Variants in PHACTR2 observed in about 807,000 individuals in gnomAD.
The protein encoded by PHACTR2 is phosphatase and actin regulator 2.
PHACTR2 carries 30 observed loss-of-function variants against 76.0 expected under a neutral mutation model. The ratio of observed to expected loss-of-function variants is 0.39; its 90% CI spans 0.30 to 0.54. PHACTR2 has a LOEUF of 0.54. Ranked by LOEUF, PHACTR2 falls within the 20% of genes least tolerant of loss-of-function variation. The probability of loss-of-function intolerance (pLI) is 0.61; values close to 1 mark genes in which losing one functional copy is unlikely to be tolerated. For synonymous variants in PHACTR2, 292 were observed against 292.5 expected (o/e 1.00, Z 0.02); for missense variants, 696 against 781.1 (o/e 0.89, Z 1.30).
In PHACTR2 at chr6:143,641,443, T is replaced by G. The variant is rs754573492; in HGVS notation, c.13+33121T>G. Reference sequence around the variant, plus strand: ...GAGCACTGCCCTGCCAATTCCTGACTTCTTACCTTCAGATCTGTGAAATAA... The same window carrying G: ...GAGCACTGCCCTGCCAATTCCTGACGTCTTACCTTCAGATCTGTGAAATAA... On this transcript the variant is annotated intron_variant, in intron 1 of 11. Transcript: ENST00000305766. This position sits in a 1 kb window ranked among gnomAD's most constrained non-coding sequence, Gnocchi z 5.8. Among the ~76,000 whole-genome samples, 7 of 152,226 alleles carry G rather than the reference T, an allele frequency of 4.6e-5. No individual in the cohort carries two copies. The highest frequency in any genetic ancestry group is 7.2e-5 in the African/African-American group (3 of 41,464).
chr6:143,622,603 T>C (rs1776174975), intron 1 of PHACTR2, among the ~76,000 whole-genome samples: 1 of 152,276 alleles, frequency 6.6e-6, no homozygotes, highest in Non-Finnish European at 1.5e-5. Flanking sequence ...ATTACATAGA[T>C]TTTAAAAATA....
At chr6:143,758,836 C>G (rs2128471890) in intron 4 of PHACTR2, among the ~76,000 whole-genome samples, 1 of 152,170 alleles carries the variant, frequency 6.6e-6, no homozygotes, top group African/African-American at 2.4e-5. Flanking sequence ...GTCATCTATG[C>G]TAATTATATA....
At chr6:143,790,878 C>T (rs931995264) in intron 11 of PHACTR2, among the ~76,000 whole-genome samples, 2 of 152,074 alleles carry the variant, frequency 1.3e-5, no homozygotes, top group Non-Finnish European at 2.9e-5. Context: ...GGGGTTTCAC[C>T]GTGTTAGCCA....
upstream of PHACTR2, among the ~76,000 whole-genome samples, chr6:143,673,206 G>GAGT (rs1313053062): frequency 6.6e-6 from 1 of 152,262 alleles, no homozygotes; most frequent in South Asian, 2.1e-4. Flanking sequence ...CTAGGTGAAT[G>GAGT]AGTAGATGAT....
At chr6:143,540,704 GAAAA>G (rs11375475) in intron 1 of PHACTR2, among the ~76,000 whole-genome samples, 1 of 143,646 alleles carries the variant, frequency 7.0e-6, no homozygotes, top group Non-Finnish European at 1.5e-5. Context: ...TGCTTTATCA[GAAAA>G]AAAAAACCCA....
intron 1 of PHACTR2, among the ~76,000 whole-genome samples, chr6:143,628,571 C>T (rs1026973451): frequency 6.6e-6 from 1 of 152,138 alleles, no homozygotes; most frequent in Non-Finnish European, 1.5e-5. Context: ...CTGACTCTGG[C>T]CCTTCGCCTC....
In PHACTR2 at chr6:143,716,351, A is replaced by G. The variant is rs112758675; in HGVS notation, c.214+4168A>G. Among the ~76,000 whole-genome samples, 1,339 of 152,198 alleles carry G rather than the reference A, an allele frequency of 8.8e-3. 27 individuals are homozygous for G. Among genetic ancestry groups the G allele is most frequent in the African/African-American group, 0.031 (1,269 of 41,526 alleles). On this transcript the variant is annotated intron_variant, in intron 2 of 12. Coordinates refer to ENST00000440869, the MANE Select transcript of PHACTR2 (RefSeq NM_001100164.2). ...TGTTATGGGAATCAGAAAGACTTGAACAGGGCCTTGGTCACCCAGGCTGGT... is the reference window on the plus strand; with the variant it reads ...TGTTATGGGAATCAGAAAGACTTGAGCAGGGCCTTGGTCACCCAGGCTGGT...
In PHACTR2 at chr6:143,800,551, G is replaced by A. The variant is rs568897300; in HGVS notation, c.1846-6506G>A. Among the ~76,000 whole-genome samples, 9 of 152,256 alleles carry A rather than the reference G, an allele frequency of 5.9e-5. No individual in the cohort carries two copies. In the East Asian group the frequency reaches 7.7e-4, roughly 13 times the overall value. ...GCTGGGATTACAGGTGTGAGCCACCGCACCCAGCCCATCCCTTTATTTTGA... is the reference window on the plus strand; with the variant it reads ...GCTGGGATTACAGGTGTGAGCCACCACACCCAGCCCATCCCTTTATTTTGA... On this transcript the variant is annotated intron_variant, in intron 11 of 12. Coordinates refer to ENST00000440869, the MANE Select transcript of PHACTR2 (RefSeq NM_001100164.2). The surrounding 1 kb of genome is among the most constrained non-coding windows in gnomAD (Gnocchi z 4.8).
intron 6 of PHACTR2, among the ~76,000 whole-genome samples, chr6:143,771,499 C>T (rs1364074513): frequency 3.3e-5 from 5 of 151,236 alleles, no homozygotes; most frequent in South Asian, 2.1e-4. Context: ...TGCAATGGCG[C>T]GATCTTGGCT....
Position 143,779,899 on chromosome 6 carries a change from TTTATATTATATTATATTATA to T in PHACTR2, c.1645+2549_1645+2568del, listed in dbSNP as rs377378201. ...TAAAAAGACATATTACATATACGTA[TTTATATTATATTATATTATA>T]TTATATTATATTATATTATATTATA... is the stretch of plus-strand genomic sequence containing the variant. On this transcript the variant is annotated intron_variant, in intron 9 of 12. Coordinates refer to ENST00000440869, the MANE Select transcript of PHACTR2 (RefSeq NM_001100164.2). Among the ~76,000 whole-genome samples the T allele has an allele frequency of 6.0e-4, 85 of 140,980 alleles. No individual in the cohort carries two copies. In the East Asian group the frequency reaches 6.2e-3, roughly 10 times the overall value. 92.5% of individuals were successfully genotyped at this position (140,980 alleles called of 152,430 possible).
intron 1 of PHACTR2, among the ~76,000 whole-genome samples, chr6:143,640,146 C>A (rs1232435583): frequency 2.0e-5 from 3 of 152,178 alleles, no homozygotes; most frequent in Non-Finnish European, 4.4e-5. Context: ...TACTGCACTG[C>A]CAGTTGTATA....
chr6:143,560,759 A>G (rs1775256735), intron 1 of PHACTR2, among the ~76,000 whole-genome samples: 1 of 152,030 alleles, frequency 6.6e-6, no homozygotes, highest in East Asian at 1.9e-4. Context: ...CTGGGGAGGG[A>G]GCGGAACTTG....
At chr6:143,729,269 A>G (rs1341182044) in intron 2 of PHACTR2, among the ~76,000 whole-genome samples, 3 of 152,134 alleles carry the variant, frequency 2.0e-5, no homozygotes, top group East Asian at 1.9e-4. Context: ...GTGATTTGCA[A>G]ATATTTTCTC....
chr6:143,659,230 CTAA>C lies in PHACTR2; in HGVS notation c.13+50915_13+50917del, dbSNP rs1307027792. On this transcript the variant is annotated intron_variant, in intron 1 of 11. Coordinates refer to the PHACTR2 transcript ENST00000305766. The surrounding 1 kb of genome is among the most constrained non-coding windows in gnomAD (Gnocchi z 5.0). ...AAATTTATATTTAAAATTTCTTTTCCTAATAATAAATTAACCTTAGCTTATTGT... is the reference window on the plus strand; with the variant it reads ...AAATTTATATTTAAAATTTCTTTTCCTAATAAATTAACCTTAGCTTATTGT... 2.0e-5 allele frequency among the ~76,000 whole-genome samples: 3 copies of C among 152,070 alleles called. No individual in the cohort carries two copies. The highest frequency in any genetic ancestry group is 1.9e-4 in the East Asian group (1 of 5,192).
chr6:143,672,865 C>T lies in PHACTR2; in HGVS notation c.14-39151C>T, dbSNP rs1000676633. On this transcript the variant is annotated intron_variant, in intron 1 of 11. Coordinates refer to the PHACTR2 transcript ENST00000305766. This position sits in a 1 kb window ranked among gnomAD's most constrained non-coding sequence, Gnocchi z 5.8. Reference sequence around the variant, plus strand: ...TCAGCCTCCCAAGTAGCTGAGATTACAGGAGTGCACCACCACGCCTGGCTA... The same window carrying T: ...TCAGCCTCCCAAGTAGCTGAGATTATAGGAGTGCACCACCACGCCTGGCTA... 1.3e-5 allele frequency among the ~76,000 whole-genome samples: 2 copies of T among 152,104 alleles called. No homozygotes were observed. The highest frequency in any genetic ancestry group is 2.9e-5 in the Non-Finnish European group (2 of 68,026).
Position 143,688,405 on chromosome 6 carries a change from T to C in PHACTR2, c.46+10196T>C, listed in dbSNP as rs1371615986. Among the ~76,000 whole-genome samples, 1 of 152,028 alleles carries C rather than the reference T, an allele frequency of 6.6e-6. No individual in the cohort carries two copies. The highest frequency in any genetic ancestry group is 6.6e-5 in the Admixed American group (1 of 15,264). On this transcript the variant is annotated intron_variant, in intron 1 of 12. Transcript: ENST00000440869. The surrounding 1 kb of genome is among the most constrained non-coding windows in gnomAD (Gnocchi z 5.2). Reference sequence around the variant, plus strand: ...CTCTCAACTCCCAGAGTTACCCAGTTTGTGTCTGCAACTCTGACCTTTCTC... The same window carrying C: ...CTCTCAACTCCCAGAGTTACCCAGTCTGTGTCTGCAACTCTGACCTTTCTC...
chr6:143,577,485 A>G (rs577043086), intron 1 of PHACTR2, among the ~76,000 whole-genome samples: 1 of 152,106 alleles, frequency 6.6e-6, no homozygotes, highest in African/African-American at 2.4e-5. Flanking sequence ...TTGACTTAGC[A>G]AAAAAAGGTG....
In PHACTR2 at chr6:143,648,445, G is replaced by A. The variant is rs1269608425; in HGVS notation, c.13+40123G>A. 6.6e-6 allele frequency among the ~76,000 whole-genome samples: 1 copy of A among 152,178 alleles called. No homozygotes were observed. The highest frequency in any genetic ancestry group is 1.5e-5 in the Non-Finnish European group (1 of 68,038). ...GGATCTGACTGTCTCTGCACTGGGA[G>A]TCCCTGGGAGGGGGGGACGAGGAGG... is the stretch of plus-strand genomic sequence containing the variant. On this transcript the variant is annotated intron_variant, in intron 1 of 11. Transcript: ENST00000305766. The surrounding 1 kb of genome is among the most constrained non-coding windows in gnomAD (Gnocchi z 6.7).
At chr6:143,563,959 G>A (rs901539853) in intron 1 of PHACTR2, among the ~76,000 whole-genome samples, 46 of 151,798 alleles carry the variant, frequency 3.0e-4, no homozygotes, top group Non-Finnish European at 6.0e-4. Flanking sequence ...AGCTGAGATC[G>A]TGTCACTGCA....
Sources: allele counts gnomAD v4.1 joint callset (sites outside exome capture counted in the v4.1 genomes callset), GRCh38; gene constraint gnomAD v4.1.1; non-coding constraint Gnocchi (gnomAD v3.1); transcripts MANE v1.5; gene names NCBI Gene and HGNC (gene_info 2026-07-23, HGNC 2026-07-21).